ASIC2: variants seen among roughly 807,000 people sequenced by gnomAD.
The protein encoded by ASIC2 is acid sensing ion channel subunit 2, also known as acid-sensing ion channel 2.
In ASIC2, 25 loss-of-function variants were observed where a neutral mutation model predicts 57.3. The ratio of observed to expected loss-of-function variants is 0.44; its 90% CI spans 0.32 to 0.61. ASIC2 has a LOEUF of 0.61. ASIC2 is among the 20% of genes least tolerant of loss of function. ASIC2 has a pLI of 0.06. For missense variants in ASIC2, 641 were observed against 738.1 expected, an observed-to-expected ratio of 0.87 and a Z score of 1.52; for synonymous variants, 319 against 307.5, an observed-to-expected ratio of 1.04 and a Z score of -0.39.
chr17:33,581,920 G>T lies in ASIC2; in HGVS notation c.556-469853C>A, dbSNP rs188376878. Among the ~76,000 whole-genome samples, 428 of 152,266 alleles carry T rather than the reference G, an allele frequency of 2.8e-3. 2 individuals carry two copies. Among genetic ancestry groups the T allele is most frequent in the African/African-American group, 9.7e-3 (402 of 41,546 alleles). On this transcript the variant is annotated intron_variant, in intron 1 of 9. Transcript: ENST00000359872. ...TTAATTGGCCTTAGCTTCCCTGACC[G>T]TAGACCCAGGTGCTATCCTTTTGAT...
intron 1 of ASIC2, among the ~76,000 whole-genome samples, chr17:33,333,152 T>C (rs531786908): frequency 1.7e-4 from 26 of 152,352 alleles, no homozygotes; most frequent in Admixed American, 7.2e-4. Flanking sequence ...TTCATGCTCC[T>C]GCCTTTGTTT....
chr17:33,532,017 G>A (rs1035777655), intron 1 of ASIC2, among the ~76,000 whole-genome samples: 1 of 152,158 alleles, frequency 6.6e-6, no homozygotes, highest in Non-Finnish European at 1.5e-5. Context: ...ACACTTTCAG[G>A]TCTTTTTTAT....
intron 1 of ASIC2, among the ~76,000 whole-genome samples, chr17:33,606,325 G>T (rs1905231755): frequency 6.6e-6 from 1 of 152,190 alleles, no homozygotes; most frequent in African/African-American, 2.4e-5. Flanking sequence ...TGGTGAGTTG[G>T]CGCCATCCTT....
At chr17:33,675,112 C>G (rs1012008374) in intron 1 of ASIC2, among the ~76,000 whole-genome samples, 2 of 152,178 alleles carry the variant, frequency 1.3e-5, no homozygotes, top group African/African-American at 4.8e-5. Context: ...AGTGCTTAGA[C>G]CAGTACCAGG....
chr17:33,783,397 A>T (rs1254759100), intron 1 of ASIC2, among the ~76,000 whole-genome samples: 1 of 152,248 alleles, frequency 6.6e-6, no homozygotes, highest in East Asian at 1.9e-4. Flanking sequence ...GATTGCACTT[A>T]CATCATTGGT....
chr17:33,506,336 C>T (rs1034417619), intron 1 of ASIC2, among the ~76,000 whole-genome samples: 27 of 151,742 alleles, frequency 1.8e-4, no homozygotes, highest in African/African-American at 5.8e-4. Flanking sequence ...TGGTGTGAAC[C>T]CGGGAGGCGG....
At chr17:33,284,644 A>G (rs906457761) in intron 1 of ASIC2, among the ~76,000 whole-genome samples, 4 of 152,166 alleles carry the variant, frequency 2.6e-5, no homozygotes, top group African/African-American at 9.7e-5. Context: ...GTGTTGGCAG[A>G]ATGGAGCCAT....
At chr17:34,050,990 C>T (rs1908533968) in intron 1 of ASIC2, among the ~76,000 whole-genome samples, 1 of 152,170 alleles carries the variant, frequency 6.6e-6, no homozygotes, top group Non-Finnish European at 1.5e-5. Context: ...GTGTTTATTT[C>T]CATGAATCAA....
chr17:33,316,476 T>G (rs1567820741), intron 1 of ASIC2, among the ~76,000 whole-genome samples: 2 of 152,188 alleles, frequency 1.3e-5, no homozygotes, highest in Non-Finnish European at 2.9e-5. Flanking sequence ...TTAGTAGAGA[T>G]GAGGTTTCGC....
rs183000412 is a variant in ASIC2 at position 33,530,388 on chromosome 17, A to G, written c.556-418321T>C. On this transcript the variant is annotated intron_variant, in intron 1 of 9. Coordinates refer to the ASIC2 transcript ENST00000359872. ...GCATGCTTGGGCTGGAAAAAGAAAA[A>G]GAGAGAGAGGTCAGTCCCCTTTGTC... Among the ~76,000 whole-genome samples the G allele has an allele frequency of 2.6e-5, 4 of 152,354 alleles. No homozygotes were observed. The East Asian group carries it at 5.8e-4, about 22-fold the overall frequency.
At chr17:33,100,490 C>G (rs1052550626) in intron 2 of ASIC2, among the ~76,000 whole-genome samples, 1 of 152,162 alleles carries the variant, frequency 6.6e-6, no homozygotes, top group Non-Finnish European at 1.5e-5. Flanking sequence ...TACGCTTGTC[C>G]CCTCCCTTCT....
intron 1 of ASIC2, among the ~76,000 whole-genome samples, chr17:33,957,675 G>C (rs11655609): frequency 6.6e-6 from 1 of 152,252 alleles, no homozygotes; most frequent in Admixed American, 6.5e-5. Context: ...GACACGTGGG[G>C]ATTATGGGAG....
intron 1 of ASIC2, among the ~76,000 whole-genome samples, chr17:33,883,076 A>G (rs896366938): frequency 6.6e-6 from 1 of 152,104 alleles, no homozygotes; most frequent in Non-Finnish European, 1.5e-5. Flanking sequence ...ACATGGACAC[A>G]GGAAGGGGAA....
chr17:33,862,093 A>C lies in ASIC2; in HGVS notation c.555+293885T>G, dbSNP rs140842235. Reference sequence around the variant, plus strand: ...CAGTGTTCAAGGTTTTCCTTCACCCAGTATACTGTTCCTGTATTCTCTGCC... The same window carrying C: ...CAGTGTTCAAGGTTTTCCTTCACCCCGTATACTGTTCCTGTATTCTCTGCC... On this transcript the variant is annotated intron_variant, in intron 1 of 9. Coordinates refer to the ASIC2 transcript ENST00000359872. Among the ~76,000 whole-genome samples, 327 of 152,320 alleles carry C rather than the reference A, an allele frequency of 2.1e-3. 2 individuals are homozygous for C. The highest frequency in any genetic ancestry group is 7.6e-3 in the African/African-American group (317 of 41,574).
rs554669209 is a variant in ASIC2, at chr17:34,085,316, T to C, written c.555+70662A>G. Reference sequence around the variant, plus strand: ...ATAATCATGTGGTTTTTGTCTTTGGTTCTGTTTATATGCTGGATTACATTT... The same window carrying C: ...ATAATCATGTGGTTTTTGTCTTTGGCTCTGTTTATATGCTGGATTACATTT... On this transcript the variant is annotated intron_variant, in intron 1 of 9. Transcript: ENST00000359872. Among the ~76,000 whole-genome samples, 13 of 152,338 alleles carry C rather than the reference T, an allele frequency of 8.5e-5. No homozygotes were observed. The South Asian group carries it at 2.1e-3, about 24-fold the overall frequency.
chr17:34,018,853 A>G (rs1392470188), intron 1 of ASIC2, among the ~76,000 whole-genome samples: 1 of 152,154 alleles, frequency 6.6e-6, no homozygotes, highest in Non-Finnish European at 1.5e-5. Flanking sequence ...TCATGATATA[A>G]TCTTAACAGA....
chr17:34,082,838 C>T (rs1396074889), intron 1 of ASIC2, among the ~76,000 whole-genome samples: 1 of 152,200 alleles, frequency 6.6e-6, no homozygotes, highest in African/African-American at 2.4e-5. Flanking sequence ...TTGAGTTATG[C>T]TTACAGTAAA....
intron 1 of ASIC2, among the ~76,000 whole-genome samples, chr17:34,066,948 T>C (rs1425179347): frequency 6.6e-6 from 1 of 152,214 alleles, no homozygotes; most frequent in East Asian, 1.9e-4. Context: ...AGCCCCTGTG[T>C]CTAACCTCAA....
At chr17:33,168,740 A>T (rs967440818) in intron 1 of ASIC2, among the ~76,000 whole-genome samples, 1 of 152,238 alleles carries the variant, frequency 6.6e-6, no homozygotes, top group African/African-American at 2.4e-5. Context: ...ACAAATAGTA[A>T]GACAAAATAG....
Sources: gnomAD v4.1 joint callset for allele counts (sites outside exome capture counted in the v4.1 genomes callset) on GRCh38, gnomAD v4.1.1 for gene constraint, MANE v1.5 for transcripts, NCBI Gene and HGNC (gene_info 2026-07-23, HGNC 2026-07-21) for gene names.